ACTN1: variants seen among roughly 807,000 people sequenced by gnomAD.
ACTN1 encodes the protein actinin alpha 1, also known as alpha-actinin-1.
In ACTN1, 30 loss-of-function variants were observed where a neutral mutation model predicts 119.6. The ratio of observed to expected loss-of-function variants is 0.25; its 90% CI spans 0.19 to 0.34. ACTN1 has a LOEUF of 0.34. Ranked by LOEUF, ACTN1 falls within the 10% of genes least tolerant of loss-of-function variation. The probability of loss-of-function intolerance (pLI) is 1.00; values close to 1 mark genes in which losing one functional copy is unlikely to be tolerated. For synonymous variants in ACTN1, 429 were observed against 472.6 expected (o/e 0.91, Z 1.20); for missense variants, 764 against 1,223.4 (o/e 0.62, Z 5.60).
chr14:68,894,566 C>T (rs1390057151), intron 8 of ACTN1, among the ~76,000 whole-genome samples: 5 of 152,206 alleles, frequency 3.3e-5, no homozygotes, highest in Non-Finnish European at 7.3e-5. Context: ...AGCAGGGACC[C>T]AGCATTCCTG....
intron 2 of ACTN1, among the ~76,000 whole-genome samples, chr14:68,922,832 C>A (rs145575219): frequency 1.2e-3 from 178 of 152,328 alleles, no homozygotes; most frequent in Non-Finnish European, 2.2e-3. Context: ...TGCATTTTGA[C>A]AGGCAATCCT....
intron 8 of ACTN1, 37 bp from the exon 9 acceptor site, chr14:68,893,784 C>A (rs2032684190): frequency 6.2e-7 from 1 of 1,607,182 alleles, no homozygotes; most frequent in Non-Finnish European, 8.5e-7. Context: ...ACCAGCCAGC[C>A]CCAGCAGCAG....
At chr14:68,910,811 C>A (rs113516265) in intron 4 of ACTN1, among the ~76,000 whole-genome samples, 1 of 152,142 alleles carries the variant, frequency 6.6e-6, no homozygotes, top group African/African-American at 2.4e-5. Context: ...ATAAGTCTCA[C>A]GAGGTCTGAT....
At chr14:68,940,669 T>G (rs2035733509) in intron 1 of ACTN1, among the ~76,000 whole-genome samples, 1 of 132,588 alleles carries the variant, frequency 7.5e-6, no homozygotes, top group African/African-American at 3.3e-5. Flanking sequence ...CAAGACCCTG[T>G]CTCTACTTAA....
intron 2 of ACTN1, among the ~76,000 whole-genome samples, chr14:68,924,016 C>T (rs2140374197): frequency 6.6e-6 from 1 of 152,276 alleles, no homozygotes; most frequent in African/African-American, 2.4e-5. Flanking sequence ...ACCAGTGTCA[C>T]AAAAGGAGAA....
intron 2 of ACTN1, among the ~76,000 whole-genome samples, chr14:68,922,910 T>A (rs930034880): frequency 2.6e-5 from 4 of 152,030 alleles, no homozygotes; most frequent in Non-Finnish European, 4.4e-5. Context: ...TACCCCTCCT[T>A]CTCCTCATCC....
chr14:68,881,028 A>G (rs759892927), intron 16 of ACTN1, 39 bp from the exon 17 acceptor site: 1 of 1,606,500 alleles, frequency 6.2e-7, no homozygotes, highest in Non-Finnish European at 8.5e-7. Context: ...AGACCACCTC[A>G]CTCTGCTCCC....
At chr14:68,907,035 G>A (rs927412515) in intron 6 of ACTN1, among the ~76,000 whole-genome samples, 3 of 152,104 alleles carry the variant, frequency 2.0e-5, no homozygotes, top group African/African-American at 7.2e-5. Flanking sequence ...CACTTTGGGA[G>A]GCCAAGGTGA....
chr14:68,884,056 T>C (rs952773909), intron 14 of ACTN1, 112 bp downstream of exon 14: 1 of 1,182,002 alleles, frequency 8.5e-7, no homozygotes, highest in Admixed American at 2.9e-5. Context: ...TCTGGGTCTA[T>C]AAAATCCTTA....
Position 68,973,463 on chromosome 14 carries a change from A to G in ACTN1, c.105+5489T>C, listed in dbSNP as rs149320290. On this transcript the variant is annotated intron_variant, in intron 1 of 21. Coordinates refer to ENST00000394419, the MANE Select transcript of ACTN1 (RefSeq NM_001130004.2). ...ACTTCTCCATCCTGCAGCCATGTGAAGAAGGACATGTTTGCTTCCCCTTCC... is the reference window on the plus strand; with the variant it reads ...ACTTCTCCATCCTGCAGCCATGTGAGGAAGGACATGTTTGCTTCCCCTTCC... Among the ~76,000 whole-genome samples, 768 of 152,296 alleles carry G rather than the reference A, an allele frequency of 5.0e-3. 6 individuals carry two copies. Among genetic ancestry groups the G allele is most frequent in the African/African-American group, 0.017 (690 of 41,570 alleles).
intron 21 of ACTN1, among the ~76,000 whole-genome samples, chr14:68,876,482 G>A (rs1272572090): frequency 6.6e-6 from 1 of 152,002 alleles, no homozygotes; most frequent in Non-Finnish European, 1.5e-5. Flanking sequence ...GGAGATGGCT[G>A]TGGTTCTGGG....
At chr14:68,877,028 C>T in intron 21 of ACTN1, 54 bp downstream of exon 21, 4 of 1,599,526 alleles carry the variant, frequency 2.5e-6, no homozygotes, top group Non-Finnish European at 3.4e-6. Context: ...CTTTAGATCA[C>T]AGTCCAGCCA....
Position 68,885,798 on chromosome 14 carries a change from A to C in ACTN1, c.1235-223T>G. On this transcript the variant is annotated intron_variant, in intron 11 of 21. Transcript: ENST00000394419. This position sits in a 1 kb window ranked among gnomAD's most constrained non-coding sequence, Gnocchi z 5.6. ...CTCTCCTCAGAGCACTTCCAAGGCC[A>C]TGAAAGTGTCTACGCAGGAAGGCTA... is the stretch of plus-strand genomic sequence containing the variant. 1 of 563,360 alleles carries C rather than the reference A, an allele frequency of 1.8e-6. No homozygotes were observed. Among genetic ancestry groups the C allele is most frequent in the Non-Finnish European group, 3.2e-6 (1 of 315,676 alleles). 34.9% of individuals were successfully genotyped at this position (563,360 alleles called of 1,614,324 possible). A position where few individuals can be genotyped will look rare whatever the true frequency, so the allele number is the denominator to read the frequency against.
In ACTN1 at chr14:68,878,339, C is replaced by T. The variant is rs1194022996; in HGVS notation, c.2427+119G>A. On this transcript the variant is annotated intron_variant, in intron 20 of 21. Coordinates refer to ENST00000394419, the MANE Select transcript of ACTN1 (RefSeq NM_001130004.2). This position sits in a 1 kb window ranked among gnomAD's most constrained non-coding sequence, Gnocchi z 4.4. ...CCCCAAGGACATGGGCCCTGGGGCT[C>T]CTCCAGGGAGGGCAGCCCCTAGCCT... 7.2e-7 allele frequency: 1 copy of T among 1,397,628 alleles called. No individual in the cohort carries two copies. The highest frequency in any genetic ancestry group is 9.5e-7 in the Non-Finnish European group (1 of 1,054,582). 86.6% of individuals were successfully genotyped at this position (1,397,628 alleles called of 1,614,324 possible). A position where few individuals can be genotyped will look rare whatever the true frequency, so the allele number is the denominator to read the frequency against.
At chr14:68,968,833 G>C (rs2036787082) in intron 1 of ACTN1, among the ~76,000 whole-genome samples, 1 of 152,244 alleles carries the variant, frequency 6.6e-6, no homozygotes, top group East Asian at 1.9e-4. Context: ...ACTTAGACAT[G>C]TGCCTGGCCC....
intron 3 of ACTN1, among the ~76,000 whole-genome samples, chr14:68,916,047 C>T (rs1472623961): frequency 2.0e-5 from 3 of 152,164 alleles, no homozygotes; most frequent in Non-Finnish European, 4.4e-5. Flanking sequence ...TGAACGCAGA[C>T]ATTAATGCTT....
At chr14:68,934,629 T>C (rs1169558022) in intron 1 of ACTN1, among the ~76,000 whole-genome samples, 1 of 152,180 alleles carries the variant, frequency 6.6e-6, no homozygotes, top group East Asian at 1.9e-4. Context: ...TAATTCTAAA[T>C]ATAAAGCAAA....
intron 1 of ACTN1, among the ~76,000 whole-genome samples, chr14:68,952,407 A>G (rs573581266): frequency 6.6e-6 from 1 of 152,364 alleles, no homozygotes; most frequent in South Asian, 2.1e-4. Flanking sequence ...TCAGCCTGGC[A>G]AAGTCCAGCT....
rs1173081497 is a variant in ACTN1, at chr14:68,880,036, G to A, written c.2206C>T (p.Leu736=). 2 of 1,614,102 alleles carry A rather than the reference G, an allele frequency of 1.2e-6. No homozygotes were observed. Among genetic ancestry groups the A allele is most frequent in the African/African-American group, 2.7e-5 (2 of 74,948 alleles). Residue 736 remains leucine, a synonymous_variant, in exon 18 of 22, where the codon CTG becomes TTG. Coordinates refer to ENST00000394419, the MANE Select transcript of ACTN1 (RefSeq NM_001130004.2). This position sits in a 1 kb window ranked among gnomAD's most constrained non-coding sequence, Gnocchi z 4.6. The stretch of plus-strand genomic sequence containing the variant: ...CTGATGCCCTTGGCATCCCGGGTCA[G>A]GATCTGGTTCTCTACCTCATTGATG... The part of the protein sequence containing the change: ...RTINEVENQI[L]TRDAKGISQE...
Sources: allele counts gnomAD v4.1 joint callset (sites outside exome capture counted in the v4.1 genomes callset), GRCh38; gene constraint gnomAD v4.1.1; non-coding constraint Gnocchi (gnomAD v3.1); transcripts MANE v1.5; gene names NCBI Gene and HGNC (gene_info 2026-07-23, HGNC 2026-07-21).